Variants in MRPL48 observed in about 807,000 individuals in gnomAD.
MRPL48 encodes the protein mitochondrial ribosomal protein L48.
A neutral mutation model predicts 32.9 loss-of-function variants in MRPL48; 16 were observed. The observed-to-expected ratio is 0.49, with a 90% CI of 0.33 to 0.74. The LOEUF (loss-of-function observed/expected upper bound fraction) is 0.74. Among genes scored for constraint, MRPL48 ranks in the 30% least tolerant of loss-of-function variants. The pLI, the probability that MRPL48 is intolerant of heterozygous loss-of-function variation, is 0.02. For missense variants in MRPL48, 206 were observed against 245.3 expected (o/e 0.84, Z 1.07); for synonymous variants, 94 against 89.2 (o/e 1.05, Z -0.31).
chr11:73,794,223 TCTATCTA>T (rs1947206941), intron 1 of MRPL48, among the ~76,000 whole-genome samples: 1 of 147,984 alleles, frequency 6.8e-6, no homozygotes, highest in Non-Finnish European at 1.5e-5. Context: ...TATCTATCTA[TCTATCTA>T]AACTATCTGT....
At chr11:73,835,140 C>CTTTTTTTTT (rs35448499) in intron 4 of MRPL48, among the ~76,000 whole-genome samples, 3 of 108,476 alleles carry the variant, frequency 2.8e-5, no homozygotes, top group Non-Finnish European at 5.3e-5. Context: ...GCCATGTTGT[C>CTTTTTTTTT]TTTTTTTTTT....
At position 73,864,370 on chromosome 11, in the gene MRPL48, G is replaced by T. The variant is rs1457227773; in HGVS notation, c.639G>T (p.Ter213TyrextTer3). ...AAGAACTGTTGGCCAAGTTGAAGTA[G>T]CTACTGTAGACCCTTTCATGCCAGC... ...ELEELLAKLK[*>Y] The change falls in exon 8 of 8, where the codon TAG (stop) becomes TAT (tyrosine). Residue 213 changes from the stop codon to tyrosine, a stop_lost. Transcript: ENST00000310614. 1.2e-6 allele frequency: 2 copies of T among 1,613,732 alleles called. No individual in the cohort carries two copies. The highest frequency in any genetic ancestry group is 2.2e-5 in the South Asian group (2 of 90,980).
At chr11:73,813,993 A>T (rs1381830657) in intron 3 of MRPL48, among the ~76,000 whole-genome samples, 2 of 150,266 alleles carry the variant, frequency 1.3e-5, no homozygotes, top group Non-Finnish European at 3.0e-5. Flanking sequence ...GTGAGCCGAG[A>T]TCTCGCCACT....
At chr11:73,815,322 G>A (rs754142950) in intron 3 of MRPL48, among the ~76,000 whole-genome samples, 1 of 152,024 alleles carries the variant, frequency 6.6e-6, no homozygotes, top group Admixed American at 6.6e-5. Context: ...GCTGAGGCAG[G>A]AGAATAGCTT....
intron 3 of MRPL48, among the ~76,000 whole-genome samples, chr11:73,809,157 AAAAG>A (rs1334309397): frequency 6.6e-6 from 1 of 152,010 alleles, no homozygotes; most frequent in Non-Finnish European, 1.5e-5. Flanking sequence ...AAATTTAAAA[AAAAG>A]AGGATAATTG....
At chr11:73,823,484 A>G (rs1947820197) in intron 3 of MRPL48, among the ~76,000 whole-genome samples, 1 of 152,276 alleles carries the variant, frequency 6.6e-6, no homozygotes, top group East Asian at 1.9e-4. Context: ...AAATTTGGTG[A>G]AAGTAACCAG....
chr11:73,815,898 T>A (rs1007028255), intron 3 of MRPL48, among the ~76,000 whole-genome samples: 21 of 151,452 alleles, frequency 1.4e-4, no homozygotes, highest in South Asian at 4.2e-4. Flanking sequence ...TTTTATTTTT[T>A]TTTTTTTTAT....
At chr11:73,862,606 T>C (rs118163463) in intron 6 of MRPL48, among the ~76,000 whole-genome samples, 6,909 of 151,178 alleles carry the variant, frequency 0.046, 291 homozygotes, top group East Asian at 0.18. Flanking sequence ...GTCTCAAAAA[T>C]AAATAAATAA....
intron 3 of MRPL48, among the ~76,000 whole-genome samples, chr11:73,809,240 C>CGGTGG (rs111851513): frequency 0.52 from 78,474 of 151,388 alleles, 21,603 homozygotes; most frequent in African/African-American, 0.73. Flanking sequence ...TGGCCAGGTG[C>CGGTGG]CTCACGCCTG....
intron 1 of MRPL48, among the ~76,000 whole-genome samples, chr11:73,794,365 G>C (rs962856660): frequency 6.6e-6 from 1 of 151,880 alleles, no homozygotes; most frequent in Non-Finnish European, 1.5e-5. Context: ...AGACCAGCCT[G>C]ACCAACATGG....
chr11:73,851,460 G>T (rs1948388472), intron 5 of MRPL48, among the ~76,000 whole-genome samples: 1 of 152,196 alleles, frequency 6.6e-6, no homozygotes, highest in African/African-American at 2.4e-5. Context: ...TAGGAGATTT[G>T]ATAATAAGCT....
chr11:73,823,819 G>T (rs1390932946), intron 3 of MRPL48, among the ~76,000 whole-genome samples: 2 of 150,658 alleles, frequency 1.3e-5, no homozygotes, highest in African/African-American at 2.4e-5. Flanking sequence ...TACCACTATG[G>T]CTACCTGGGT....
intron 5 of MRPL48, among the ~76,000 whole-genome samples, chr11:73,846,267 A>G (rs1007734104): frequency 1.3e-5 from 2 of 151,972 alleles, no homozygotes; most frequent in Non-Finnish European, 2.9e-5. Flanking sequence ...CACTTATCAT[A>G]ATATCCTCAA....
intron 1 of MRPL48, among the ~76,000 whole-genome samples, chr11:73,799,276 T>G (rs1176031930): frequency 6.6e-6 from 1 of 152,008 alleles, no homozygotes; most frequent in Admixed American, 6.6e-5. Flanking sequence ...GGCTTAAGTC[T>G]AGGGGGTCGA....
chr11:73,852,333 C>A (rs553219795), intron 5 of MRPL48, among the ~76,000 whole-genome samples: 1 of 135,358 alleles, frequency 7.4e-6, no homozygotes, highest in South Asian at 2.5e-4. Context: ...TATTTGCAAG[C>A]TATCTAGCTG....
chr11:73,834,103 G>C (rs1243622400), intron 4 of MRPL48, among the ~76,000 whole-genome samples: 3 of 152,042 alleles, frequency 2.0e-5, no homozygotes, highest in Non-Finnish European at 4.4e-5. Flanking sequence ...CCTGCCTTGG[G>C]CTCCTAAAGT....
At chr11:73,816,757 C>T (rs1292263607) in intron 3 of MRPL48, among the ~76,000 whole-genome samples, 1 of 152,114 alleles carries the variant, frequency 6.6e-6, no homozygotes, top group Non-Finnish European at 1.5e-5. Flanking sequence ...AGCCACCCTG[C>T]CCAGCTGGTG....
chr11:73,790,062 A>ATTTTTTTTTTTTTTTTTTTTTTTTTTT (rs34534770), intron 1 of MRPL48, among the ~76,000 whole-genome samples: 1 of 103,828 alleles, frequency 9.6e-6, no homozygotes, highest in African/African-American at 3.7e-5. Flanking sequence ...TGCTCAGCTA[A>ATTTTTTTTTTTTTTTTTTTTTTTTTTT]TTTTTTTTTT....
chr11:73,807,657 G>GTC (rs1947478701), intron 2 of MRPL48, among the ~76,000 whole-genome samples: 1 of 107,736 alleles, frequency 9.3e-6, no homozygotes, highest in Non-Finnish European at 1.8e-5. Flanking sequence ...TTTTTTTTGA[G>GTC]ATGGAGTTTC....
Sources: allele counts gnomAD v4.1 joint callset (sites outside exome capture counted in the v4.1 genomes callset), GRCh38; gene constraint gnomAD v4.1.1; transcripts MANE v1.5; gene names NCBI Gene and HGNC (gene_info 2026-07-23, HGNC 2026-07-21).